GSTCD: variants seen among roughly 807,000 people sequenced by gnomAD.
GSTCD encodes glutathione S-transferase C-terminal domain containing.
Under a neutral mutation model 68.3 loss-of-function variants are expected in GSTCD, and 44 were observed. That is an observed-to-expected ratio of 0.64 (90% CI 0.51 to 0.83). The LOEUF (loss-of-function observed/expected upper bound fraction) is 0.83, where lower values mean the gene tolerates loss of function less well. Ranked by LOEUF, GSTCD falls within the 40% of genes least tolerant of loss-of-function variation. The pLI, the probability that GSTCD is intolerant of heterozygous loss-of-function variation, is 0.00. For missense variants in GSTCD, 739 were observed against 735.9 expected (o/e 1.00, Z -0.05); for synonymous variants, 273 against 255.2 (o/e 1.07, Z -0.67).
At chr4:105,738,673 A>G (rs182801218) in intron 5 of GSTCD, among the ~76,000 whole-genome samples, 23 of 151,554 alleles carry the variant, frequency 1.5e-4, no homozygotes, top group African/African-American at 5.6e-4. Context: ...AGAATTTTGC[A>G]TGTTGATTTT....
Position 105,842,569 on chromosome 4 carries a change from ATTTG to A in GSTCD, c.1765+440_1765+443del, listed in dbSNP as rs554931342. On this transcript the variant is annotated intron_variant, in intron 11 of 11. Transcript: ENST00000515279. ...CTTGTGTATTATTTATCATAGATGA[ATTTG>A]TTTGACAATATTAAATATTACCTAA... Among the ~76,000 whole-genome samples the A allele has an allele frequency of 6.2e-3, 945 of 152,306 alleles. 6 individuals carry two copies. The highest frequency in any genetic ancestry group is 0.033 in the South Asian group (159 of 4,820).
At chr4:105,803,565 C>A (rs1736187667) in intron 5 of GSTCD, among the ~76,000 whole-genome samples, 1 of 151,538 alleles carries the variant, frequency 6.6e-6, no homozygotes, top group African/African-American at 2.4e-5. Flanking sequence ...ATGTAACTGA[C>A]AAGAAATTTC....
intron 3 of GSTCD, among the ~76,000 whole-genome samples, chr4:105,720,641 T>G (rs1732832448): frequency 6.6e-6 from 1 of 152,216 alleles, no homozygotes; most frequent in Non-Finnish European, 1.5e-5. Flanking sequence ...AAATGCCAGA[T>G]GTCATATGTC....
intron 7 of GSTCD, among the ~76,000 whole-genome samples, chr4:105,823,922 A>G (rs1299924931): frequency 1.3e-5 from 2 of 152,222 alleles, no homozygotes; most frequent in African/African-American, 4.8e-5. Flanking sequence ...TCAAGTAAAT[A>G]TATCAGAATG....
At chr4:105,715,745 A>G (rs1732662439) in intron 1 of GSTCD, among the ~76,000 whole-genome samples, 1 of 138,480 alleles carries the variant, frequency 7.2e-6, no homozygotes, top group African/African-American at 2.9e-5. Context: ...TTAAGTGTAC[A>G]CTAACATTTT....
intron 8 of GSTCD, among the ~76,000 whole-genome samples, chr4:105,826,713 T>C (rs994636413): frequency 2.6e-5 from 4 of 152,158 alleles, no homozygotes; most frequent in Non-Finnish European, 5.9e-5. Context: ...TTTTTCTCAT[T>C]GTTATAATGC....
Position 105,808,101 on chromosome 4 carries a change from T to C in GSTCD, c.1241-14853T>C, listed in dbSNP as rs149399211. Among the ~76,000 whole-genome samples, 1,476 of 152,228 alleles carry C rather than the reference T, an allele frequency of 9.7e-3. 17 individuals are homozygous for C. Among genetic ancestry groups the C allele is most frequent in the Middle Eastern group, 0.041 (12 of 294 alleles). On this transcript the variant is annotated intron_variant, in intron 5 of 11. Coordinates refer to ENST00000515279, the MANE Select transcript of GSTCD (RefSeq NM_001370181.1). The stretch of plus-strand genomic sequence containing the variant: ...GTTTACTAAATATAATAGACTAGTC[T>C]CAGTCCTTATCTTATTTGGTGTATC...
chr4:105,831,070 G>A (rs1723873694), intron 8 of GSTCD, among the ~76,000 whole-genome samples: 1 of 152,190 alleles, frequency 6.6e-6, no homozygotes, highest in African/African-American at 2.4e-5. Flanking sequence ...GTGTGGCAGT[G>A]TGTACAAAAC....
intron 5 of GSTCD, among the ~76,000 whole-genome samples, chr4:105,769,517 A>G (rs1734756297): frequency 1.3e-5 from 2 of 152,138 alleles, no homozygotes; most frequent in South Asian, 2.1e-4. Context: ...CCAAGTTTCT[A>G]TTTTTAGATT....
chr4:105,747,887 A>G (rs1371705887), intron 5 of GSTCD, among the ~76,000 whole-genome samples: 1 of 28,268 alleles, frequency 3.5e-5, no homozygotes, highest in Non-Finnish European at 6.7e-5. Context: ...CAGTGTAAAC[A>G]GTTTGTTGTT....
At chr4:105,838,259 C>A (rs888649273) in intron 10 of GSTCD, among the ~76,000 whole-genome samples, 2 of 152,184 alleles carry the variant, frequency 1.3e-5, no homozygotes, top group African/African-American at 4.8e-5. Context: ...TCCCACAGGG[C>A]AGAAGCAAAT....
At chr4:105,729,711 T>C (rs1733165466) in intron 5 of GSTCD, among the ~76,000 whole-genome samples, 2 of 152,154 alleles carry the variant, frequency 1.3e-5, no homozygotes, top group Admixed American at 6.6e-5. Flanking sequence ...TTTTATTTGT[T>C]ACTGTTTTTT....
intron 5 of GSTCD, among the ~76,000 whole-genome samples, chr4:105,801,031 T>C (rs1736087254): frequency 1.3e-5 from 2 of 152,028 alleles, no homozygotes; most frequent in African/African-American, 4.8e-5. Context: ...AGACAGCATT[T>C]CAGCACTGGC....
At chr4:105,791,121 C>T (rs1161836246) in intron 5 of GSTCD, among the ~76,000 whole-genome samples, 2 of 151,810 alleles carry the variant, frequency 1.3e-5, no homozygotes, top group African/African-American at 2.4e-5. Flanking sequence ...TGGCCGGGCA[C>T]GGTGGTTCAT....
chr4:105,802,200 G>A (rs908984856), intron 5 of GSTCD, among the ~76,000 whole-genome samples: 2 of 152,062 alleles, frequency 1.3e-5, no homozygotes, highest in African/African-American at 4.8e-5. Context: ...GTCAGAGAAG[G>A]TATCTCTCTA....
At chr4:105,824,035 GTTTGTTTTTGT>G (rs1560848185) in intron 7 of GSTCD, among the ~76,000 whole-genome samples, 1 of 151,988 alleles carries the variant, frequency 6.6e-6, no homozygotes, top group Non-Finnish European at 1.5e-5. Context: ...ATAAAATTCT[GTTTGTTTTTGT>G]TTTGTTTTTA....
chr4:105,760,996 ATTTTTTTTTTTTT>A, intron 5 of GSTCD: 1 of 173,514 alleles, frequency 5.8e-6, no homozygotes, highest in Admixed American at 1.3e-4. Context: ...TCCTTTTTTA[ATTTTTTTTTTTTT>A]TTTTTTTTTT....
At chr4:105,719,998 A>C in intron 3 of GSTCD, among the ~76,000 whole-genome samples, 1 of 152,050 alleles carries the variant, frequency 6.6e-6, no homozygotes, top group East Asian at 1.9e-4. Flanking sequence ...ATTGTTAGTC[A>C]CTTAAATTAA....
chr4:105,823,227 T>A lies in GSTCD; in HGVS notation c.1357-4T>A, dbSNP rs753094996. On this transcript the variant is annotated splice_polypyrimidine_tract_variant and splice_region_variant and intron_variant, in intron 6 of 11. Coordinates refer to ENST00000515279, the MANE Select transcript of GSTCD (RefSeq NM_001370181.1). ...TAACTTGTTTGTCTTACTGACTTTTTCAGGGCCATGTTGGAATTGTCCTTG... is the reference window on the plus strand; with the variant it reads ...TAACTTGTTTGTCTTACTGACTTTTACAGGGCCATGTTGGAATTGTCCTTG... The A allele has an allele frequency of 4.3e-6, 7 of 1,613,866 alleles. No homozygotes were observed. The highest frequency in any genetic ancestry group is 5.9e-6 in the Non-Finnish European group (7 of 1,179,750).
Sources: allele counts gnomAD v4.1 joint callset (sites outside exome capture counted in the v4.1 genomes callset), GRCh38; gene constraint gnomAD v4.1.1; transcripts MANE v1.5; gene names NCBI Gene and HGNC (gene_info 2026-07-23, HGNC 2026-07-21).